EPB42: variants seen among roughly 807,000 people sequenced by gnomAD.
The protein encoded by EPB42 is protein 4.2.
A neutral mutation model predicts 76.9 loss-of-function variants in EPB42; 49 were observed. That is an observed-to-expected ratio of 0.64 (90% CI 0.51 to 0.81). The LOEUF (loss-of-function observed/expected upper bound fraction) is 0.81. Ranked by LOEUF, EPB42 falls within the 30% of genes least tolerant of loss-of-function variation. The probability of loss-of-function intolerance (pLI) is 0.00; values close to 1 mark genes in which losing one functional copy is unlikely to be tolerated. For synonymous variants in EPB42, 310 were observed against 338.4 expected (o/e 0.92, Z 0.92); for missense variants, 731 against 867.6 (o/e 0.84, Z 1.98).
chr15:43,209,160 G>A, intron 6 of EPB42, 114 bp downstream of exon 6: 1 of 1,210,408 alleles, frequency 8.3e-7, no homozygotes, highest in Non-Finnish European at 1.2e-6. Flanking sequence ...GTGATGAGAT[G>A]GGGAAATGCG....
Position 43,208,212 on chromosome 15 carries a change from C to T in EPB42, c.1075+18G>A. ...CTGTGCAGCCCTGCGTGGTCCTGGA[C>T]CCACCCCTAGGCTTTACCTCCACCT... On this transcript the variant is annotated intron_variant, in intron 8 of 12. Transcript: ENST00000441366. The T allele has an allele frequency of 6.2e-7, 1 of 1,611,294 alleles. No individual in the cohort carries two copies. The highest frequency in any genetic ancestry group is 8.5e-7 in the Non-Finnish European group (1 of 1,178,150).
At chr15:43,217,256 T>TTCAC (rs1230838673) in intron 1 of EPB42, among the ~76,000 whole-genome samples, 1 of 152,124 alleles carries the variant, frequency 6.6e-6, no homozygotes, top group African/African-American at 2.4e-5. Context: ...CACCTCCTCC[T>TTCAC]TCACTCTCTC....
chr15:43,202,186 C>T (rs988806908), intron 11 of EPB42, among the ~76,000 whole-genome samples: 22 of 152,134 alleles, frequency 1.4e-4, no homozygotes, highest in African/African-American at 5.3e-4. Context: ...CTGATGTCGC[C>T]TCTCCTCTAT....
intron 8 of EPB42, 39 bp from the exon 9 acceptor site, chr15:43,207,480 C>A (rs1280589783): frequency 6.2e-7 from 1 of 1,609,486 alleles, no homozygotes; most frequent in Non-Finnish European, 8.5e-7. Context: ...GGAGCTGCGC[C>A]TAGACCTCTG....
At chr15:43,208,435 G>A in intron 7 of EPB42, 102 bp from the exon 8 acceptor site, 4 of 1,414,508 alleles carry the variant, frequency 2.8e-6, no homozygotes, top group South Asian at 1.2e-5. Flanking sequence ...CAGTGGGATG[G>A]GAGGTCACTG....
intron 10 of EPB42, among the ~76,000 whole-genome samples, chr15:43,205,606 C>T (rs1299568272): frequency 6.6e-6 from 1 of 151,984 alleles, no homozygotes; most frequent in East Asian, 1.9e-4. Flanking sequence ...CACCATGTTG[C>T]CCAGGCTGAT....
In EPB42 at chr15:43,203,263, GTTA is replaced by G. The variant is rs1353878393; in HGVS notation, c.1628_1630del (p.Ile543del). On this transcript the variant is annotated inframe_deletion, in exon 11 of 13. Transcript: ENST00000441366. ...AAAATTGGAGAAGAACAGGCCGATG[GTTA>G]TTATCTTTTCTGAAACACATGACAG... 1 of 1,614,044 alleles carries G rather than the reference GTTA, an allele frequency of 6.2e-7. No homozygotes were observed. The highest frequency in any genetic ancestry group is 8.5e-7 in the Non-Finnish European group (1 of 1,180,042).
Position 43,209,406 on chromosome 15 carries a change from G to A in EPB42, c.700C>T (p.Gln234Ter), listed in dbSNP as rs1163200369. 3 of 1,613,516 alleles carry A rather than the reference G, an allele frequency of 1.9e-6. No homozygotes were observed. The highest frequency in any genetic ancestry group is 2.5e-6 in the Non-Finnish European group (3 of 1,179,712). The part of the protein sequence containing the change: ...EQRVLPTPQT[Q>*]ATQEGALLNK... ...AGCAAGGCCCCTTCCTGGGTGGCCT[G>A]GGTCTGCGGGGTGGGCAGGACCCTC... Residue 234 changes from glutamine to a stop codon, truncating the protein, a stop_gained, in exon 6 of 13, where the codon CAG (glutamine) becomes TAG (stop). Coordinates refer to ENST00000441366, the MANE Select transcript of EPB42 (RefSeq NM_001114134.2). LOFTEE classifies it high-confidence loss of function.
chr15:43,219,315 T>C (rs1401803272), intron 1 of EPB42, among the ~76,000 whole-genome samples: 1 of 152,228 alleles, frequency 6.6e-6, no homozygotes, highest in Non-Finnish European at 1.5e-5. Context: ...TTTAGAGTAC[T>C]TATTATCTTT....
chr15:43,206,366 T>C lies in EPB42; in HGVS notation c.1582A>G (p.Arg528Gly). Reference sequence around the variant, plus strand: ...CTGAGCGTGAGGTGCAGCTTCTTCCTCCAGAGCTTGGCAGCAAGGACACCG... The same window carrying C: ...CTGAGCGTGAGGTGCAGCTTCTTCCCCCAGAGCTTGGCAGCAAGGACACCG... Reference protein sequence around the residue: ...YNGVLAAKLWRKKLHLTLSAN... With the variant: ...YNGVLAAKLWGKKLHLTLSAN... Residue 528 changes from arginine to glycine, a missense_variant, in exon 10 of 13, where the codon AGG becomes GGG. Physicochemically the swap from Arg to Gly is moderately radical, Grantham distance 125. Coordinates refer to ENST00000441366, the MANE Select transcript of EPB42 (RefSeq NM_001114134.2). This position sits in a 1 kb window ranked among gnomAD's most constrained non-coding sequence, Gnocchi z 4.7. The C allele has an allele frequency of 3.1e-6, 5 of 1,613,222 alleles. No homozygotes were observed. The highest frequency in any genetic ancestry group is 4.2e-6 in the Non-Finnish European group (5 of 1,179,272).
chr15:43,218,797 C>A (rs781473710), intron 1 of EPB42, among the ~76,000 whole-genome samples: 1 of 152,230 alleles, frequency 6.6e-6, no homozygotes, highest in Non-Finnish European at 1.5e-5. Context: ...CTTGGTTTAT[C>A]TCTGCCTCTG....
Position 43,209,281 on chromosome 15 carries a change from A to G in EPB42, c.825T>C (p.Ala275=). 6.2e-7 allele frequency: 1 copy of G among 1,614,096 alleles called. No homozygotes were observed. The highest frequency in any genetic ancestry group is 8.5e-7 in the Non-Finnish European group (1 of 1,180,008). The change falls in exon 6 of 13, where the codon GCT becomes GCC. Residue 275 remains alanine, a synonymous_variant. Transcript: ENST00000441366. The part of the protein sequence containing the change: ...DGQAWVLAAV[A]CTVLRCLGIP... ...GGAGACAAGGGGACCAACCTGTGCA[A>G]GCAACAGCAGCCAACACCCAGGCCT...
At chr15:43,216,087 C>T (rs541655174) in intron 2 of EPB42, among the ~76,000 whole-genome samples, 181 bp downstream of exon 2, 1 of 152,370 alleles carries the variant, frequency 6.6e-6, no homozygotes, top group East Asian at 1.9e-4. Flanking sequence ...TCATCATAAA[C>T]AATATTTACC....
intron 1 of EPB42, among the ~76,000 whole-genome samples, chr15:43,217,295 T>G (rs1382603342): frequency 6.6e-6 from 1 of 152,212 alleles, no homozygotes; most frequent in Non-Finnish European, 1.5e-5. Context: ...CATGTGAAGA[T>G]GTGCTTGCTT....
At chr15:43,215,775 C>T (rs966300333) in intron 2 of EPB42, among the ~76,000 whole-genome samples, 4 of 152,234 alleles carry the variant, frequency 2.6e-5, no homozygotes, top group Non-Finnish European at 5.9e-5. Context: ...CGGCTCATTG[C>T]AACCTCCACC....
chr15:43,215,590 T>C (rs759955710), intron 2 of EPB42, among the ~76,000 whole-genome samples: 20 of 150,926 alleles, frequency 1.3e-4, no homozygotes, highest in Admixed American at 1.3e-3. Flanking sequence ...GAATGAAATA[T>C]TGCATGTGAA....
In EPB42 at chr15:43,207,277, C is replaced by T; in HGVS notation, c.1240G>A (p.Val414Ile). ...CCCTTGGTGCTGATGTTGTTGCCAA[C>T]ATACTTTGTGTTGGAGTCAGTCAAC... The part of the protein sequence containing the change: ...LELTDSNTKY[V>I]GNNISTKGVG... The change falls in exon 9 of 13, where the codon GTT (valine) becomes ATT (isoleucine). Residue 414 changes from valine to isoleucine, a missense_variant. By Grantham distance (29) the Val-to-Ile change is conservative. Coordinates refer to ENST00000441366, the MANE Select transcript of EPB42 (RefSeq NM_001114134.2). The T allele has an allele frequency of 6.2e-7, 1 of 1,614,212 alleles. No homozygotes were observed. Among genetic ancestry groups the T allele is most frequent in the Non-Finnish European group, 8.5e-7 (1 of 1,180,040 alleles).
intron 10 of EPB42, chr15:43,205,884 A>C: frequency 6.3e-6 from 1 of 158,786 alleles, no homozygotes; most frequent in Non-Finnish European, 1.4e-5. Flanking sequence ...CAGACCAATT[A>C]AGAAAGAACC....
rs768393422 is a variant in EPB42, at chr15:43,220,849, C to T, written c.-24G>A. ...ATGGTTGCAGGCCGCTCCTCTTATC[C>T]ACTTGGCCGCAGAAAGCGCCTCTCT... On this transcript the variant is annotated 5_prime_UTR_variant, in exon 1 of 13. Coordinates refer to ENST00000441366, the MANE Select transcript of EPB42 (RefSeq NM_001114134.2). 6.2e-7 allele frequency: 1 copy of T among 1,604,440 alleles called. No homozygotes were observed. The highest frequency in any genetic ancestry group is 8.5e-7 in the Non-Finnish European group (1 of 1,176,220).
Sources: allele counts gnomAD v4.1 joint callset (sites outside exome capture counted in the v4.1 genomes callset), GRCh38; gene constraint gnomAD v4.1.1; non-coding constraint Gnocchi (gnomAD v3.1); transcripts MANE v1.5; gene names NCBI Gene and HGNC (gene_info 2026-07-23, HGNC 2026-07-21).